ZNF98: variants seen among roughly 807,000 people sequenced by gnomAD.
The protein encoded by ZNF98 is zinc finger protein 739.
In ZNF98, 8 loss-of-function variants were observed where a neutral mutation model predicts 12.8. That is an observed-to-expected ratio of 0.63 (90% CI 0.37 to 1.13). ZNF98 has a LOEUF of 1.13. ZNF98 is among the 50% of genes most tolerant of loss of function. The probability of loss-of-function intolerance (pLI) is 0.01; values close to 1 mark genes in which losing one functional copy is unlikely to be tolerated. For synonymous variants in ZNF98, 112 were observed against 223.5 expected (o/e 0.50, Z 4.45); for missense variants, 379 against 666.1 (o/e 0.57, Z 4.74).
intron 1 of ZNF98, among the ~76,000 whole-genome samples, chr19:22,409,759 A>G (rs545526819): frequency 6.6e-6 from 1 of 152,054 alleles, no homozygotes; most frequent in African/African-American, 2.4e-5. Context: ...TAAAAATACA[A>G]TAATTAGCTG....
chr19:22,399,359 A>C lies in ZNF98; in HGVS notation c.253+3430T>G, dbSNP rs187518825. 2.5e-3 allele frequency among the ~76,000 whole-genome samples: 381 copies of C among 152,302 alleles called. 4 individuals are homozygous for C. Among genetic ancestry groups the C allele is most frequent in the African/African-American group, 8.9e-3 (369 of 41,578 alleles). On this transcript the variant is annotated intron_variant, in intron 3 of 3. Transcript: ENST00000357774. ...AAACTGATAAATAAGCATTTTAATA[A>C]ATAAGATCATTTCTAAGTTTTAAAT... is the stretch of plus-strand genomic sequence containing the variant.
At chr19:22,412,748 C>T (rs1394184377) in intron 1 of ZNF98, among the ~76,000 whole-genome samples, 1 of 151,748 alleles carries the variant, frequency 6.6e-6, no homozygotes, top group Non-Finnish European at 1.5e-5. Flanking sequence ...TTTTGGGATG[C>T]AAGGTTAATT....
intron 1 of ZNF98, among the ~76,000 whole-genome samples, chr19:22,404,164 G>A (rs1568293554): frequency 6.6e-6 from 1 of 152,234 alleles, no homozygotes; most frequent in African/African-American, 2.4e-5. Context: ...AGCTTGCAGT[G>A]AGCTGAAATC....
chr19:22,394,953 A>G (rs1037113212), intron 3 of ZNF98, among the ~76,000 whole-genome samples: 28 of 152,018 alleles, frequency 1.8e-4, no homozygotes, highest in African/African-American at 6.8e-4. Flanking sequence ...GGGAGGATCA[A>G]CTGAGGTCCG....
At position 22,392,984 on chromosome 19, in the gene ZNF98, G is replaced by T; in HGVS notation, c.254-3C>A. The stretch of plus-strand genomic sequence containing the variant: ...TTGGGCAAAATAAGAATATACAACT[G>T]AAAGAAATAAAAATAATAAATTACT... On this transcript the variant is annotated splice_region_variant and splice_polypyrimidine_tract_variant and intron_variant, in intron 3 of 3. Transcript: ENST00000357774. 1.3e-6 allele frequency: 2 copies of T among 1,489,222 alleles called. No homozygotes were observed. Among genetic ancestry groups the T allele is most frequent in the South Asian group, 1.5e-5 (1 of 66,822 alleles). The allele number at this position is 1,489,222 out of a possible 1,614,324, so 92.3% of individuals were successfully genotyped here.
intron 3 of ZNF98, among the ~76,000 whole-genome samples, chr19:22,394,628 T>C (rs1311263848): frequency 6.6e-6 from 1 of 151,718 alleles, no homozygotes; most frequent in Non-Finnish European, 1.5e-5. Flanking sequence ...TAGGTGGGAA[T>C]TGAGCAATGA....
chr19:22,395,833 C>T (rs1237450189), intron 3 of ZNF98, among the ~76,000 whole-genome samples: 1 of 149,550 alleles, frequency 6.7e-6, no homozygotes, highest in Non-Finnish European at 1.5e-5. Context: ...AAAAATTTTG[C>T]AGATCAGAAA....
Position 22,392,147 on chromosome 19 carries a change from G to C in ZNF98, c.1088C>G (p.Ser363Cys). The change falls in exon 4 of 4, where the codon TCC (serine) becomes TGC (cysteine). Residue 363 changes from serine (S) to cysteine (C), a missense_variant. This residue lies in a region of ZNF98 where 15 missense variants were observed against 27.0 expected (regional missense o/e 0.56). Coordinates refer to ENST00000357774, the MANE Select transcript of ZNF98 (RefSeq NM_001098626.2). ...AATTCTCTTATGTGTAGTAAGGTGGGATAACCGGCTAAAGGCCTTACCACA... is the reference window on the plus strand; with the variant it reads ...AATTCTCTTATGTGTAGTAAGGTGGCATAACCGGCTAAAGGCCTTACCACA... ...EECGKAFSRLSHLTTHKRIHS... is the reference protein window; with the variant it reads ...EECGKAFSRLCHLTTHKRIHS... 1 of 1,612,980 alleles carries C rather than the reference G, an allele frequency of 6.2e-7. No individual in the cohort carries two copies.
intron 1 of ZNF98, among the ~76,000 whole-genome samples, chr19:22,412,249 A>T (rs1431028852): frequency 1.3e-5 from 2 of 152,224 alleles, no homozygotes; most frequent in African/African-American, 4.8e-5. Context: ...TTGATAAAAA[A>T]GTAATTCAAT....
Position 22,391,722 on chromosome 19 carries a change from G to C in ZNF98, c.1513C>G (p.Leu505Val), listed in dbSNP as rs1969324902. 1.9e-6 allele frequency: 3 copies of C among 1,614,030 alleles called. No homozygotes were observed. The highest frequency in any genetic ancestry group is 2.5e-6 in the Non-Finnish European group (3 of 1,179,970). ...GTATGAATCATCTTATGTGTAGTAA[G>C]GTGTGAGGACTGGTTAAAAGCTTTG... ...CGKAFNQSSHLTTHKMIHTGE... is the reference protein window; with the variant it reads ...CGKAFNQSSHVTTHKMIHTGE... The change falls in exon 4 of 4, where the codon CTT becomes GTT. Residue 505 changes from leucine (L) to valine (V), a missense_variant. Physicochemically the swap from Leu to Val is conservative, Grantham distance 32. Coordinates refer to ENST00000357774, the MANE Select transcript of ZNF98 (RefSeq NM_001098626.2).
At chr19:22,396,873 C>T (rs2145109276) in intron 3 of ZNF98, among the ~76,000 whole-genome samples, 2 of 152,254 alleles carry the variant, frequency 1.3e-5, no homozygotes, top group East Asian at 3.9e-4. Context: ...GTAATCCCAG[C>T]ACTTTGGGAG....
intron 1 of ZNF98, among the ~76,000 whole-genome samples, chr19:22,408,906 T>C (rs1423176321): frequency 6.6e-6 from 1 of 152,162 alleles, no homozygotes; most frequent in Non-Finnish European, 1.5e-5. Context: ...AAACTACCAT[T>C]AACATTCTTC....
rs1256709508 is a variant in ZNF98, at chr19:22,392,679, C to T, written c.556G>A (p.Glu186Lys). The T allele has an allele frequency of 6.3e-7, 1 of 1,596,102 alleles. No homozygotes were observed. Among genetic ancestry groups the T allele is most frequent in the Non-Finnish European group, 8.5e-7 (1 of 1,170,158 alleles). The change falls in exon 4 of 4, where the codon GAA becomes AAA. Residue 186 changes from glutamate to lysine, a missense_variant. By Grantham distance (56) the Glu-to-Lys change is moderately conservative. This residue lies in a region of ZNF98 where 223 missense variants were observed against 261.6 expected (regional missense o/e 0.85). Transcript: ENST00000357774. ...HTGKKSFKCK[E>K]CEKSFCMLSH... ...AGCATGCAAAATGACTTTTCACATT[C>T]TTTACACTTGAAAGATTTCTTTCCA...
chr19:22,418,651 G>C (rs977179210), intron 1 of ZNF98, among the ~76,000 whole-genome samples: 1 of 152,216 alleles, frequency 6.6e-6, no homozygotes, highest in Admixed American at 6.5e-5. Context: ...GGCTGAGGCA[G>C]GTGGATCACC....
At chr19:22,395,557 A>AT (rs1275385037) in intron 3 of ZNF98, among the ~76,000 whole-genome samples, 1 of 152,198 alleles carries the variant, frequency 6.6e-6, no homozygotes, top group Non-Finnish European at 1.5e-5. Context: ...AAAAATGAGA[A>AT]TAAAAACAAG....
At position 22,392,185 on chromosome 19, in the gene ZNF98, G is replaced by A; in HGVS notation, c.1050C>T (p.Tyr350=). 6.2e-7 allele frequency: 1 copy of A among 1,612,064 alleles called. No homozygotes were observed. Among genetic ancestry groups the A allele is most frequent in the Non-Finnish European group, 8.5e-7 (1 of 1,179,198 alleles). Residue 350 remains tyrosine, a synonymous_variant, in exon 4 of 4, where the codon TAC becomes TAT. Coordinates refer to ENST00000357774, the MANE Select transcript of ZNF98 (RefSeq NM_001098626.2). ...HKIIHTGEKF[Y]KCEECGKAFS... ...AGGCCTTACCACATTCTTCACATTT[G>A]TAGAATTTCTCTCCAGTATGAATTA...
chr19:22,410,363 A>G (rs1235677025), intron 1 of ZNF98, among the ~76,000 whole-genome samples: 4 of 152,254 alleles, frequency 2.6e-5, no homozygotes, highest in African/African-American at 9.6e-5. Context: ...ATGCCCATCA[A>G]TGACAGACTT....
chr19:22,406,637 G>A (rs914074873), intron 1 of ZNF98, among the ~76,000 whole-genome samples: 4 of 151,954 alleles, frequency 2.6e-5, no homozygotes, highest in African/African-American at 4.8e-5. Flanking sequence ...CTAACACGGT[G>A]AAACCCTGTC....
intron 1 of ZNF98, among the ~76,000 whole-genome samples, chr19:22,408,050 G>A (rs978361804): frequency 6.6e-6 from 1 of 152,100 alleles, no homozygotes; most frequent in Non-Finnish European, 1.5e-5. Context: ...GACAACAAGT[G>A]CGAAACTCTG....
Sources: allele counts gnomAD v4.1 joint callset (sites outside exome capture counted in the v4.1 genomes callset), GRCh38; gene constraint gnomAD v4.1.1; regional missense constraint gnomAD v4.1.1; transcripts MANE v1.5; gene names NCBI Gene and HGNC (gene_info 2026-07-23, HGNC 2026-07-21).